Variants in LCORL observed in about 807,000 individuals in gnomAD.
LCORL encodes ligand dependent nuclear receptor corepressor like.
LCORL carries 41 observed loss-of-function variants against 141.8 expected under a neutral mutation model. The observed-to-expected ratio is 0.29, with a 90% CI of 0.23 to 0.38. The LOEUF is 0.38. LCORL is among the 10% of genes least tolerant of loss of function. LCORL has a pLI of 1.00. For synonymous variants in LCORL, 618 were observed against 694.1 expected, an observed-to-expected ratio of 0.89 and a Z score of 1.72; for missense variants, 1,759 against 2,035.0, an observed-to-expected ratio of 0.86 and a Z score of 2.61.
At chr4:17,985,435 G>A (rs1275059728) in intron 1 of LCORL, among the ~76,000 whole-genome samples, 1 of 152,142 alleles carries the variant, frequency 6.6e-6, no homozygotes, top group Non-Finnish European at 1.5e-5. Flanking sequence ...CTTGCTTTAT[G>A]AATCTGGTTG....
intron 5 of LCORL, among the ~76,000 whole-genome samples, chr4:17,892,350 A>G (rs1577344900): frequency 1.3e-5 from 2 of 151,876 alleles, no homozygotes; most frequent in African/African-American, 4.8e-5. Context: ...CTGGGATTAC[A>G]GGCACTGGCC....
At chr4:17,966,579 G>A (rs984166211) in intron 2 of LCORL, among the ~76,000 whole-genome samples, 1 of 152,010 alleles carries the variant, frequency 6.6e-6, no homozygotes, top group African/African-American at 2.4e-5. Flanking sequence ...ACAGCAGCAG[G>A]GGAAATATGT....
At chr4:17,945,621 AGATTC>A (rs1738752703) in intron 4 of LCORL, among the ~76,000 whole-genome samples, 1 of 152,068 alleles carries the variant, frequency 6.6e-6, no homozygotes, top group African/African-American at 2.4e-5. Context: ...CCTGAACTTA[AGATTC>A]TAATACCACC....
chr4:17,981,655 C>G (rs1286665091), intron 1 of LCORL, among the ~76,000 whole-genome samples: 1 of 151,940 alleles, frequency 6.6e-6, no homozygotes, highest in Non-Finnish European at 1.5e-5. Flanking sequence ...CGAGGATCAC[C>G]TGAACCCAGA....
At chr4:18,007,707 C>T (rs1723042112) in intron 1 of LCORL, among the ~76,000 whole-genome samples, 1 of 152,052 alleles carries the variant, frequency 6.6e-6, no homozygotes, top group South Asian at 2.1e-4. Context: ...TACTATTATT[C>T]TTTATATAAA....
intron 1 of LCORL, among the ~76,000 whole-genome samples, chr4:17,985,029 C>T (rs1039605520): frequency 1.1e-4 from 16 of 151,868 alleles, no homozygotes; most frequent in African/African-American, 2.4e-4. Context: ...AGATAAACAA[C>T]GTGCTATTCA....
chr4:17,952,064 C>A (rs1739811675), intron 4 of LCORL, among the ~76,000 whole-genome samples: 1 of 152,116 alleles, frequency 6.6e-6, no homozygotes, highest in South Asian at 2.1e-4. Context: ...CATATTAGTT[C>A]TTCTGTTACT....
At chr4:17,842,949 A>G (rs956020191) in exon 8 of LCORL, 2 of 169,012 alleles carry the variant, frequency 1.2e-5, no homozygotes, top group Non-Finnish European at 2.6e-5. Context: ...AAATCAAGAG[A>G]GAGAACTTAA....
chr4:17,886,670 A>C (rs999134290), intron 5 of LCORL, among the ~76,000 whole-genome samples: 3 of 152,046 alleles, frequency 2.0e-5, no homozygotes, highest in Admixed American at 1.3e-4. Context: ...CATAGTGTAA[A>C]ATTTTACTCT....
At position 17,865,598 on chromosome 4, in the gene LCORL, T is replaced by C. The variant is rs1725546168; in HGVS notation, c.5602+7790A>G. Among the ~76,000 whole-genome samples, 3 of 152,234 alleles carry C rather than the reference T, an allele frequency of 2.0e-5. No individual in the cohort carries two copies. The South Asian group carries it at 6.2e-4, about 32-fold the overall frequency. ...AAACACAGCAGAGCAAAATTTGTGA[T>C]ATAGCTGAAGAAGTGTTTAAAGGGA... On this transcript the variant is annotated intron_variant, in intron 7 of 7. Coordinates refer to ENST00000635767, the Ensembl canonical transcript of LCORL.
intron 1 of LCORL, among the ~76,000 whole-genome samples, chr4:18,005,935 GCTC>G (rs1344570857): frequency 1.3e-5 from 2 of 152,154 alleles, no homozygotes; most frequent in African/African-American, 4.8e-5. Context: ...TTAACATTCG[GCTC>G]CTCATTACTC....
At chr4:17,877,414 C>T (rs1055948393) in exon 7 of LCORL, 34 of 1,229,842 alleles carry the variant, frequency 2.8e-5, no homozygotes, top group African/African-American at 1.1e-4. Flanking sequence ...TGAAAAATTA[C>T]AGCAGTTTCA....
At chr4:17,878,872 A>G (rs562702781) in intron 6 of LCORL, among the ~76,000 whole-genome samples, 2 of 151,452 alleles carry the variant, frequency 1.3e-5, no homozygotes, top group South Asian at 4.1e-4. Context: ...ATGCTGGAAA[A>G]TGGCCCACTA....
intron 4 of LCORL, among the ~76,000 whole-genome samples, chr4:17,914,487 C>T (rs1024260125): frequency 3.3e-5 from 5 of 152,138 alleles, no homozygotes; most frequent in African/African-American, 7.2e-5. Flanking sequence ...CACTTTTTGT[C>T]CCTTTATACT....
In LCORL at chr4:18,017,658, A is replaced by C. The variant is rs542450216; in HGVS notation, c.154+3940T>G. 2.0e-5 allele frequency among the ~76,000 whole-genome samples: 3 copies of C among 152,284 alleles called. No homozygotes were observed. The South Asian group carries it at 6.2e-4, about 32-fold the overall frequency. Reference sequence around the variant, plus strand: ...AAAAATGTCAAGGTCAAGAAATAGTAAGGTTGACGAAGTGTTCCCAATTGA... The same window carrying C: ...AAAAATGTCAAGGTCAAGAAATAGTCAGGTTGACGAAGTGTTCCCAATTGA... On this transcript the variant is annotated intron_variant, in intron 1 of 7. Coordinates refer to ENST00000635767, the Ensembl canonical transcript of LCORL.
At chr4:18,018,374 G>T (rs572959836) in intron 1 of LCORL, among the ~76,000 whole-genome samples, 2 of 152,160 alleles carry the variant, frequency 1.3e-5, no homozygotes, top group South Asian at 4.1e-4. Context: ...GATAATTATA[G>T]AAAAACAGTC....
intron 6 of LCORL, among the ~76,000 whole-genome samples, chr4:17,878,721 T>C (rs1727183404): frequency 6.6e-6 from 1 of 151,384 alleles, no homozygotes; most frequent in African/African-American, 2.4e-5. Context: ...TTAGATTTTA[T>C]GTAAATAAGA....
exon 8 of LCORL, chr4:17,843,567 T>C: frequency 5.7e-6 from 5 of 879,312 alleles, no homozygotes; most frequent in Non-Finnish European, 8.7e-6. Context: ...TACTTTGGCC[T>C]GTATTAAAGC....
chr4:17,990,096 GTTTTTTT>G (rs372033680), intron 1 of LCORL, among the ~76,000 whole-genome samples: 14 of 122,654 alleles, frequency 1.1e-4, no homozygotes, highest in African/African-American at 3.8e-4. Context: ...AACTCTCTGC[GTTTTTTT>G]TTTTTTTTTT....
Sources: gnomAD v4.1 joint callset for allele counts (sites outside exome capture counted in the v4.1 genomes callset) on GRCh38, gnomAD v4.1.1 for gene constraint, MANE v1.5 for transcripts, NCBI Gene and HGNC (gene_info 2026-07-23, HGNC 2026-07-21) for gene names.